FASTKD1: variants seen among roughly 807,000 people sequenced by gnomAD.
The protein encoded by FASTKD1 is FAST kinase domain-containing protein 1, mitochondrial.
A neutral mutation model predicts 90.9 loss-of-function variants in FASTKD1; 94 were observed. That is an observed-to-expected ratio of 1.03 (90% CI 0.88 to 1.23). The LOEUF is 1.23. Ranked by LOEUF, FASTKD1 falls within the 50% of genes most tolerant of loss-of-function variation. The pLI is 0.00. For synonymous variants in FASTKD1, 319 were observed against 345.8 expected, an observed-to-expected ratio of 0.92 and a Z score of 0.86; for missense variants, 945 against 993.5, an observed-to-expected ratio of 0.95 and a Z score of 0.66.
intron 5 of FASTKD1, 88 bp from the exon 6 acceptor site, chr2:169,557,385 A>AG: frequency 1.8e-6 from 1 of 563,804 alleles, no homozygotes; most frequent in Non-Finnish European, 2.9e-6. Context: ...GGTAACAAAT[A>AG]GGAAAAAAAA....
chr2:169,529,969 C>T (rs1352188449), intron 14 of FASTKD1, 43 bp from the exon 15 acceptor site: 1 of 1,342,650 alleles, frequency 7.4e-7, no homozygotes, highest in Admixed American at 1.9e-5. Context: ...TTTAAAGCAA[C>T]AACAAAAAAC....
chr2:169,557,256 C>T lies in FASTKD1; in HGVS notation c.1013G>A (p.Gly338Asp), dbSNP rs1404891361. 2 of 1,611,928 alleles carry T rather than the reference C, an allele frequency of 1.2e-6. No individual in the cohort carries two copies. Among genetic ancestry groups the T allele is most frequent in the Non-Finnish European group, 1.7e-6 (2 of 1,179,080 alleles). The change falls in exon 6 of 15, where the codon GGC (glycine) becomes GAC (aspartate). Residue 338 changes from glycine to aspartate, a missense_variant. Gly to Asp is a moderately conservative substitution (Grantham distance 94). Coordinates refer to ENST00000453153, the MANE Select transcript of FASTKD1 (RefSeq NM_024622.6). ...TCCCAACACTGCCAGGGCTTGCTCGCCAGTTAGGTCCTCTGACATCAATAA... is the reference window on the plus strand; with the variant it reads ...TCCCAACACTGCCAGGGCTTGCTCGTCAGTTAGGTCCTCTGACATCAATAA... Reference protein sequence around the residue: ...TMLLMSEDLTGEQALAVLGAM... With the variant: ...TMLLMSEDLTDEQALAVLGAM...
chr2:169,544,763 C>G lies in FASTKD1; in HGVS notation c.1774G>C (p.Glu592Gln). ...VLNYDPPQRD[E>Q]FLGTCVQHLN... is the part of the protein sequence containing the mutation. ...TGTTGCACGCAAGTTCCCAAAAATT[C>G]ATCCCTTTGAGGTGGATCATAGTTC... is the stretch of plus-strand genomic sequence containing the variant. The change falls in exon 9 of 15, where the codon GAA becomes CAA. Residue 592 changes from glutamate to glutamine, a missense_variant. Transcript: ENST00000453153. 1 of 1,612,442 alleles carries G rather than the reference C, an allele frequency of 6.2e-7. No individual in the cohort carries two copies. Among genetic ancestry groups the G allele is most frequent in the Non-Finnish European group, 8.5e-7 (1 of 1,178,688 alleles).
intron 4 of FASTKD1, 38 bp downstream of exon 4, chr2:169,563,187 C>A (rs1683785353): frequency 1.9e-6 from 3 of 1,595,698 alleles, no homozygotes; most frequent in East Asian, 2.3e-5. Flanking sequence ...AGCCCAGGAT[C>A]TTTCCACCAC....
chr2:169,557,235 A>G lies in FASTKD1; in HGVS notation c.1034T>C (p.Leu345Ser). The change falls in exon 6 of 15, where the codon TTG (leucine) becomes TCG (serine). Residue 345 changes from leucine to serine, a missense_variant. Physicochemically the swap from Leu to Ser is moderately radical, Grantham distance 145. Transcript: ENST00000453153. ...GCTTTCCATATCTCCCATTGCTCCCAACACTGCCAGGGCTTGCTCGCCAGT... is the reference window on the plus strand; with the variant it reads ...GCTTTCCATATCTCCCATTGCTCCCGACACTGCCAGGGCTTGCTCGCCAGT... ...DLTGEQALAV[L>S]GAMGDMESRN... 1 of 1,613,318 alleles carries G rather than the reference A, an allele frequency of 6.2e-7. No individual in the cohort carries two copies. The highest frequency in any genetic ancestry group is 8.5e-7 in the Non-Finnish European group (1 of 1,179,564).
At chr2:169,556,066 A>T (rs1038188459) in intron 6 of FASTKD1, among the ~76,000 whole-genome samples, 9 of 152,194 alleles carry the variant, frequency 5.9e-5, no homozygotes, top group Admixed American at 2.0e-4. Context: ...AAAGAAAAAA[A>T]TAAAAGGAGG....
chr2:169,542,812 A>T (rs1407884868), intron 9 of FASTKD1, among the ~76,000 whole-genome samples: 1 of 152,200 alleles, frequency 6.6e-6, no homozygotes, highest in Non-Finnish European at 1.5e-5. Flanking sequence ...CTTAAGAAAC[A>T]TTTTTTTACT....
At chr2:169,538,645 A>C (rs537577465) in intron 10 of FASTKD1, among the ~76,000 whole-genome samples, 1 of 140,266 alleles carries the variant, frequency 7.1e-6, no homozygotes, top group Non-Finnish European at 1.5e-5. Flanking sequence ...ATTGCACTCC[A>C]GCCTGGGCAA....
At chr2:169,555,542 G>A (rs138052643) in intron 6 of FASTKD1, among the ~76,000 whole-genome samples, 154 of 152,250 alleles carry the variant, frequency 1.0e-3, no homozygotes, top group African/African-American at 3.6e-3. Context: ...ATCTCACACA[G>A]CATCAACTTC....
chr2:169,561,819 T>A (rs868491144), intron 4 of FASTKD1, among the ~76,000 whole-genome samples: 591 of 119,282 alleles, frequency 5.0e-3, no homozygotes, highest in Middle Eastern at 0.012. Context: ...TTATTGTAAA[T>A]TATTTATTAA....
intron 7 of FASTKD1, among the ~76,000 whole-genome samples, chr2:169,548,528 C>T (rs1184127948): frequency 6.6e-6 from 1 of 150,656 alleles, no homozygotes; most frequent in African/African-American, 2.4e-5. Context: ...CTCAGAAGTT[C>T]GAGACTAGCC....
chr2:169,561,706 T>C (rs1040481455), intron 4 of FASTKD1, among the ~76,000 whole-genome samples: 4 of 147,256 alleles, frequency 2.7e-5, no homozygotes, highest in African/African-American at 9.8e-5. Flanking sequence ...TATTAATCTA[T>C]TATAAATTAA....
At chr2:169,569,127 C>T in intron 3 of FASTKD1, 57 bp downstream of exon 3, 1 of 1,422,656 alleles carries the variant, frequency 7.0e-7, no homozygotes, top group Non-Finnish European at 9.9e-7. Flanking sequence ...CAAGATTTCA[C>T]TCTGTTAACC....
rs1684239302 is a variant in FASTKD1, at chr2:169,571,713, G to T, written c.317C>A (p.Thr106Lys). 6.2e-7 allele frequency: 1 copy of T among 1,611,874 alleles called. No homozygotes were observed. Among genetic ancestry groups the T allele is most frequent in the Non-Finnish European group, 8.5e-7 (1 of 1,178,182 alleles). The part of the protein sequence containing the change: ...PQFLTLHNLA[T>K]NKFKLMNDDT... ...GTCATTCATTAATTTGAATTTATTT[G>T]TAGCTAAATTATGAAGAGTAAGAAA... The change falls in exon 2 of 15, where the codon ACA becomes AAA. Residue 106 changes from threonine to lysine, a missense_variant. Thr to Lys is a moderately conservative substitution (Grantham distance 78, BLOSUM62 -1). Transcript: ENST00000453153.
chr2:169,534,464 T>G (rs200126288), intron 12 of FASTKD1, among the ~76,000 whole-genome samples: 1 of 99,490 alleles, frequency 1.0e-5, no homozygotes, highest in Non-Finnish European at 1.8e-5. Context: ...TTTTTTTTTC[T>G]TTTTTTTTTT....
rs555416377 is a variant in FASTKD1, at chr2:169,565,424, G to A, written c.447-2074C>T. 1.9e-4 allele frequency among the ~76,000 whole-genome samples: 28 copies of A among 151,312 alleles called. No homozygotes were observed. In the South Asian group the frequency reaches 5.6e-3, roughly 31 times the overall value. On this transcript the variant is annotated intron_variant, in intron 3 of 14. Coordinates refer to ENST00000453153, the MANE Select transcript of FASTKD1 (RefSeq NM_024622.6). ...ACTATAGGCGCCCGCCACCACGCCC[G>A]GCTAACTTTTTGTATTTTTAGTAGA...
intron 11 of FASTKD1, among the ~76,000 whole-genome samples, chr2:169,537,627 G>A (rs1482232095): frequency 1.3e-5 from 2 of 152,046 alleles, no homozygotes; most frequent in Admixed American, 1.3e-4. Context: ...CAGGTGATCT[G>A]CCCGCCTTTC....
chr2:169,564,666 A>C (rs907501576), intron 3 of FASTKD1, among the ~76,000 whole-genome samples: 1 of 151,962 alleles, frequency 6.6e-6, no homozygotes, highest in African/African-American at 2.4e-5. Flanking sequence ...AGTAGGTCTT[A>C]TTCATTTTAT....
In FASTKD1 at chr2:169,561,745, A is replaced by G. The variant is rs190832459; in HGVS notation, c.573-960T>C. On this transcript the variant is annotated intron_variant, in intron 4 of 14. Transcript: ENST00000453153. Reference sequence around the variant, plus strand: ...TTAATCTATTATAAATTAATTATTCATTATAAATTATTTATTAATTTATTG... The same window carrying G: ...TTAATCTATTATAAATTAATTATTCGTTATAAATTATTTATTAATTTATTG... Among the ~76,000 whole-genome samples, 206 of 144,236 alleles carry G rather than the reference A, an allele frequency of 1.4e-3. 2 individuals carry two copies. Among genetic ancestry groups the G allele is most frequent in the African/African-American group, 5.0e-3 (191 of 38,360 alleles). 94.6% of individuals were successfully genotyped at this position (144,236 alleles called of 152,430 possible). A position where few individuals can be genotyped will look rare whatever the true frequency, so the allele number is the denominator to read the frequency against.
Sources: gnomAD v4.1 joint callset for allele counts (sites outside exome capture counted in the v4.1 genomes callset) on GRCh38, gnomAD v4.1.1 for gene constraint, MANE v1.5 for transcripts, NCBI Gene and HGNC (gene_info 2026-07-23, HGNC 2026-07-21) for gene names.